Variants in ZNF521 observed in about 807,000 individuals in gnomAD.
The protein encoded by ZNF521 is zinc finger protein 521, also known as LYST-interacting protein 3.
A neutral mutation model predicts 105.5 loss-of-function variants in ZNF521; 14 were observed. That is an observed-to-expected ratio of 0.13 (90% CI 0.09 to 0.21). ZNF521 has a LOEUF of 0.21. ZNF521 is among the 10% of genes least tolerant of loss of function. The pLI, the probability that ZNF521 is intolerant of heterozygous loss-of-function variation, is 1.00. For synonymous variants in ZNF521, 635 were observed against 606.0 expected (o/e 1.05, Z -0.70); for missense variants, 1,233 against 1,629.7 (o/e 0.76, Z 4.19).
chr18:25,105,894 G>A (rs923508842), intron 5 of ZNF521, among the ~76,000 whole-genome samples: 1 of 152,132 alleles, frequency 6.6e-6, no homozygotes, highest in African/African-American at 2.4e-5. Flanking sequence ...TTAAGGCAGT[G>A]AACAGCAATA....
chr18:25,197,159 A>G (rs1048091924), intron 4 of ZNF521, among the ~76,000 whole-genome samples: 1 of 151,846 alleles, frequency 6.6e-6, no homozygotes, highest in Non-Finnish European at 1.5e-5. Context: ...TTTTGCCACT[A>G]CTGATAATTC....
At chr18:25,196,800 G>A (rs2035909696) in intron 4 of ZNF521, among the ~76,000 whole-genome samples, 1 of 151,676 alleles carries the variant, frequency 6.6e-6, no homozygotes. Flanking sequence ...TTTAGAACTA[G>A]TTAGAAAATA....
At chr18:25,198,622 A>C (rs980002860) in intron 4 of ZNF521, among the ~76,000 whole-genome samples, 5 of 151,932 alleles carry the variant, frequency 3.3e-5, no homozygotes, top group African/African-American at 1.2e-4. Flanking sequence ...AAAAGAAAAA[A>C]AATTAAGTTG....
chr18:25,142,574 T>G (rs1444709778), intron 5 of ZNF521, among the ~76,000 whole-genome samples: 1 of 152,102 alleles, frequency 6.6e-6, no homozygotes, highest in African/African-American at 2.4e-5. Context: ...AGAATAGTAC[T>G]TTCATGGAAA....
At chr18:25,191,389 C>T (rs2035815747) in intron 5 of ZNF521, among the ~76,000 whole-genome samples, 1 of 152,026 alleles carries the variant, frequency 6.6e-6, no homozygotes, top group Non-Finnish European at 1.5e-5. Flanking sequence ...GGTATTTCTC[C>T]CCTTTGATCA....
Position 25,224,656 on chromosome 18 carries a change from G to C in ZNF521, c.3262C>G (p.Leu1088Val), listed in dbSNP as rs1568019057. ...CAGCCGGCACACAGACCATATGGCAGGCCATTGATATCAAGTTTCACCAGA... is the reference window on the plus strand; with the variant it reads ...CAGCCGGCACACAGACCATATGGCACGCCATTGATATCAAGTTTCACCAGA... ...QDLVKLDING[L>V]PYGLCAGCVN... Residue 1088 changes from leucine (L) to valine (V), a missense_variant, in exon 4 of 8, where the codon CTG becomes GTG. By Grantham distance (32) the Leu-to-Val change is conservative (BLOSUM62 1). Transcript: ENST00000361524. 6.2e-7 allele frequency: 1 copy of C among 1,614,116 alleles called. No individual in the cohort carries two copies. Among genetic ancestry groups the C allele is most frequent in the East Asian group, 2.2e-5 (1 of 44,866 alleles).
chr18:25,116,978 T>G (rs2034331230), intron 5 of ZNF521, among the ~76,000 whole-genome samples: 1 of 144,968 alleles, frequency 6.9e-6, no homozygotes, highest in African/African-American at 2.6e-5. Context: ...TATATGTATA[T>G]ATATATACAC....
intron 2 of ZNF521, among the ~76,000 whole-genome samples, chr18:25,342,419 G>T (rs74833913): frequency 0.089 from 13,107 of 146,846 alleles, 988 homozygotes; most frequent in East Asian, 0.39. Flanking sequence ...TTTTTTTTTT[G>T]TTTGTTTGTT....
At chr18:25,104,939 A>G (rs749822713) in intron 5 of ZNF521, among the ~76,000 whole-genome samples, 1 of 152,086 alleles carries the variant, frequency 6.6e-6, no homozygotes, top group Non-Finnish European at 1.5e-5. Flanking sequence ...AGGCAAAATA[A>G]TTTTTTTTCT....
At chr18:25,126,979 A>G (rs964914613) in intron 5 of ZNF521, among the ~76,000 whole-genome samples, 6 of 152,124 alleles carry the variant, frequency 3.9e-5, no homozygotes, top group African/African-American at 1.4e-4. Context: ...CCAGATCTAA[A>G]AACATCATGG....
intron 5 of ZNF521, among the ~76,000 whole-genome samples, chr18:25,164,967 G>A (rs893805878): frequency 1.3e-5 from 2 of 152,204 alleles, no homozygotes; most frequent in Non-Finnish European, 2.9e-5. Flanking sequence ...GAACACCGAT[G>A]TCGTGCTCTT....
In ZNF521 at chr18:25,322,111, C is replaced by T. The variant is rs1395950008; in HGVS notation, c.117G>A (p.Glu39=). The change falls in exon 3 of 8, where the codon GAG becomes GAA. Residue 39 remains glutamate, a synonymous_variant. Coordinates refer to ENST00000361524, the MANE Select transcript of ZNF521 (RefSeq NM_015461.3). ...TGTGCACAGCTTCGTCTTCCAACTC[C>T]TCCCCGTCTTCCGGCCTCTTCTTAC... The part of the protein sequence containing the change: ...LDCKKRPEDG[E]ELEDEAVHSC... 4 of 1,614,212 alleles carry T rather than the reference C, an allele frequency of 2.5e-6. No individual in the cohort carries two copies. The East Asian group carries it at 8.9e-5, about 36-fold the overall frequency.
At position 25,195,469 on chromosome 18, in the gene ZNF521, A is replaced by G. The variant is rs552768329; in HGVS notation, c.3574-225T>C. Among the ~76,000 whole-genome samples, 4 of 151,926 alleles carry G rather than the reference A, an allele frequency of 2.6e-5. No homozygotes were observed. The South Asian group carries it at 8.3e-4, about 31-fold the overall frequency. On this transcript the variant is annotated intron_variant, in intron 4 of 7. Coordinates refer to ENST00000361524, the MANE Select transcript of ZNF521 (RefSeq NM_015461.3). ...AGACATTTAGAAGAAACAGAAGCAC[A>G]TAATTATGGCATAATATATTTTTAA...
chr18:25,216,029 A>C (rs145158255), intron 4 of ZNF521, among the ~76,000 whole-genome samples: 132 of 152,362 alleles, frequency 8.7e-4, no homozygotes, highest in African/African-American at 2.7e-3. Context: ...CTGTCTCTTT[A>C]GAGGGAGTTT....
At chr18:25,297,957 C>T (rs939136940) in intron 3 of ZNF521, among the ~76,000 whole-genome samples, 1 of 152,086 alleles carries the variant, frequency 6.6e-6, no homozygotes, top group Non-Finnish European at 1.5e-5. Context: ...CTAATTGAGA[C>T]TCATTTACTC....
rs536064593 is a variant in ZNF521 at position 25,185,200 on chromosome 18, A to G, written c.3658+9960T>C. The stretch of plus-strand genomic sequence containing the variant: ...CAATAGTTGACCATTTTGACTACAG[A>G]TTTATAACATCTATACAAAATGGGT... On this transcript the variant is annotated intron_variant, in intron 5 of 7. Transcript: ENST00000361524. Among the ~76,000 whole-genome samples the G allele has an allele frequency of 9.7e-4, 147 of 152,272 alleles. 1 individual carries two copies. Among genetic ancestry groups the G allele is most frequent in the African/African-American group, 3.4e-3 (141 of 41,554 alleles).
intron 5 of ZNF521, among the ~76,000 whole-genome samples, chr18:25,110,061 A>C (rs990712427): frequency 5.9e-5 from 9 of 152,204 alleles, no homozygotes; most frequent in Non-Finnish European, 1.3e-4. Context: ...GAAGGAAGAA[A>C]AGGGAGAAGA....
chr18:25,140,281 C>T (rs74331498), intron 5 of ZNF521, among the ~76,000 whole-genome samples: 2,717 of 152,246 alleles, frequency 0.018, 85 homozygotes, highest in African/African-American at 0.061. Flanking sequence ...AAGCAGCCAA[C>T]ATGAAGAAAA....
rs2144086314 is a variant in ZNF521, at chr18:25,062,540, G to C, written c.*172C>G. The C allele has an allele frequency of 3.7e-6, 3 of 807,564 alleles. No individual in the cohort carries two copies. The East Asian group carries it at 7.8e-5, about 21-fold the overall frequency. 50.0% of individuals were successfully genotyped at this position (807,564 alleles called of 1,614,324 possible). A position where few individuals can be genotyped will look rare whatever the true frequency, so the allele number is the denominator to read the frequency against. The stretch of plus-strand genomic sequence containing the variant: ...ACTTTATATACAAGGGGTCTATCCG[G>C]TGCGCAAAAGTTCAAACACATGAAC... On this transcript the variant is annotated 3_prime_UTR_variant, in exon 8 of 8. Coordinates refer to ENST00000361524, the MANE Select transcript of ZNF521 (RefSeq NM_015461.3).
Sources: allele counts gnomAD v4.1 joint callset (sites outside exome capture counted in the v4.1 genomes callset), GRCh38; gene constraint gnomAD v4.1.1; transcripts MANE v1.5; gene names NCBI Gene and HGNC (gene_info 2026-07-23, HGNC 2026-07-21).